The following TBL1XR1 variants were observed in gnomAD, a reference collection of about 807,000 sequenced individuals.
The protein encoded by TBL1XR1 is F-box-like/WD repeat-containing protein TBL1XR1.
TBL1XR1 carries 5 observed loss-of-function variants against 66.9 expected under a neutral mutation model. The ratio of observed to expected loss-of-function variants is 0.07; its 90% confidence interval spans 0.04 to 0.16. The LOEUF is 0.16. Ranked by LOEUF, TBL1XR1 falls within the 10% of genes least tolerant of loss-of-function variation. The pLI is 1.00. For synonymous variants in TBL1XR1, 210 were observed against 206.0 expected, an observed-to-expected ratio of 1.02 and a Z score of -0.17; for missense variants, 238 against 623.2, an observed-to-expected ratio of 0.38 and a Z score of 6.58.
chr3:177,057,703 T>C (rs1717980990), intron 3 of TBL1XR1, among the ~76,000 whole-genome samples: 1 of 152,110 alleles, frequency 6.6e-6, no homozygotes, highest in African/African-American at 2.4e-5. Context: ...CTAAATCTGT[T>C]AGATGTTAAA....
intron 1 of TBL1XR1, among the ~76,000 whole-genome samples, chr3:177,155,071 GAA>G (rs1473924562): frequency 6.6e-6 from 1 of 152,152 alleles, no homozygotes; most frequent in East Asian, 1.9e-4. Flanking sequence ...TGAAGTATAT[GAA>G]AAGAGAAGAG....
intron 2 of TBL1XR1, among the ~76,000 whole-genome samples, chr3:177,095,339 T>C (rs554323268): frequency 4.7e-4 from 71 of 152,010 alleles, no homozygotes; most frequent in African/African-American, 1.6e-3. Flanking sequence ...ACAGGGTAGA[T>C]TGTCTCAAAA....
intron 1 of TBL1XR1, among the ~76,000 whole-genome samples, chr3:177,138,441 A>G (rs1284188318): frequency 1.3e-5 from 2 of 152,096 alleles, no homozygotes; most frequent in Non-Finnish European, 2.9e-5. Flanking sequence ...TAAAAAGTAA[A>G]AATTAGTTGG....
chr3:177,129,124 CAAGT>C (rs1277003167), intron 1 of TBL1XR1, among the ~76,000 whole-genome samples: 1 of 151,980 alleles, frequency 6.6e-6, no homozygotes, highest in Non-Finnish European at 1.5e-5. Flanking sequence ...AGGAAAAAAA[CAAGT>C]AATTGAGAAA....
chr3:177,198,362 C>T (rs1737197096), upstream of TBL1XR1, among the ~76,000 whole-genome samples: 1 of 152,150 alleles, frequency 6.6e-6, no homozygotes, highest in South Asian at 2.1e-4. Flanking sequence ...GTTCTTATTT[C>T]ACAAAAATAA....
chr3:177,174,469 C>T (rs1733933059), intron 1 of TBL1XR1, among the ~76,000 whole-genome samples: 2 of 147,706 alleles, frequency 1.4e-5, no homozygotes, highest in Admixed American at 1.3e-4. Context: ...TTCTCAATAG[C>T]AACTTCCCAT....
chr3:177,141,664 TTCAC>T (rs1334621293), intron 1 of TBL1XR1, among the ~76,000 whole-genome samples: 4 of 152,236 alleles, frequency 2.6e-5, no homozygotes, highest in Non-Finnish European at 5.9e-5. Flanking sequence ...ATCTGGTTGG[TTCAC>T]TCATTTTTAC....
At chr3:177,042,978 C>G (rs750385318) in intron 10 of TBL1XR1, among the ~76,000 whole-genome samples, 10 of 151,976 alleles carry the variant, frequency 6.6e-5, no homozygotes, top group Admixed American at 6.6e-5. Flanking sequence ...GCATACAATT[C>G]AATGGATTTC....
chr3:177,115,929 T>C (rs768275427), intron 1 of TBL1XR1, among the ~76,000 whole-genome samples: 1 of 152,180 alleles, frequency 6.6e-6, no homozygotes, highest in Non-Finnish European at 1.5e-5. Flanking sequence ...CAGTTCTGGC[T>C]GGTAAGGCCT....
intron 2 of TBL1XR1, among the ~76,000 whole-genome samples, chr3:177,082,368 A>G (rs1721502842): frequency 6.6e-6 from 1 of 151,452 alleles, no homozygotes; most frequent in African/African-American, 2.4e-5. Context: ...AGGTACTTCA[A>G]AAAAAAATAC....
chr3:177,059,205 C>T (rs1470009581), intron 3 of TBL1XR1, among the ~76,000 whole-genome samples: 2 of 152,174 alleles, frequency 1.3e-5, no homozygotes, highest in Admixed American at 6.5e-5. Flanking sequence ...CTGACTCCAT[C>T]GAATACACTG....
intron 3 of TBL1XR1, 145 bp from the exon 4 acceptor site, chr3:177,054,063 TGTGTGTGTGTGCGCGCGC>T (rs1190696277): frequency 4.4e-6 from 3 of 685,508 alleles, no homozygotes; most frequent in East Asian, 5.6e-5. Context: ...TGTGTGTGTG[TGTGTGTGTGTGCGCGCGC>T]GTGTGTGTGC....
chr3:177,035,068 C>T (rs1714576329), intron 12 of TBL1XR1, among the ~76,000 whole-genome samples: 1 of 152,088 alleles, frequency 6.6e-6, no homozygotes, highest in African/African-American at 2.4e-5. Flanking sequence ...TTTACATTTC[C>T]GTGACATAAC....
intron 2 of TBL1XR1, among the ~76,000 whole-genome samples, chr3:177,076,385 A>T (rs1560147036): frequency 6.6e-6 from 1 of 152,048 alleles, no homozygotes; most frequent in Non-Finnish European, 1.5e-5. Context: ...TATGTGCCCA[A>T]ATTTTCTCTT....
At chr3:177,059,318 T>C (rs1453464175) in intron 3 of TBL1XR1, among the ~76,000 whole-genome samples, 1 of 152,164 alleles carries the variant, frequency 6.6e-6, no homozygotes, top group Non-Finnish European at 1.5e-5. Context: ...TAATATTCAT[T>C]AGCCATTACA....
chr3:177,084,817 G>A (rs1490450440), intron 2 of TBL1XR1, among the ~76,000 whole-genome samples: 5 of 152,288 alleles, frequency 3.3e-5, no homozygotes, highest in East Asian at 3.9e-4. Flanking sequence ...AATCCAATCC[G>A]GTCTGACTTC....
intron 1 of TBL1XR1, among the ~76,000 whole-genome samples, chr3:177,100,492 CA>C (rs1340033546): frequency 1.3e-5 from 2 of 151,870 alleles, no homozygotes; most frequent in African/African-American, 4.8e-5. Flanking sequence ...GGCACAATCT[CA>C]GCTCACTGCA....
intron 1 of TBL1XR1, among the ~76,000 whole-genome samples, chr3:177,142,673 G>A (rs919120928): frequency 3.3e-5 from 5 of 151,780 alleles, no homozygotes; most frequent in African/African-American, 1.2e-4. Context: ...GTCTATTTAC[G>A]ATTAAAATAA....
chr3:177,060,573 ATCT>A (rs981096435), intron 3 of TBL1XR1, among the ~76,000 whole-genome samples: 2 of 152,358 alleles, frequency 1.3e-5, no homozygotes, highest in Non-Finnish European at 2.9e-5. Flanking sequence ...ATAAAATGAC[ATCT>A]TCTTATAGAA....
Sources: gnomAD v4.1 joint callset for allele counts (sites outside exome capture counted in the v4.1 genomes callset) on GRCh38, gnomAD v4.1.1 for gene constraint, MANE v1.5 for transcripts, NCBI Gene and HGNC (gene_info 2026-07-23, HGNC 2026-07-21) for gene names.